UNC5D: variants seen among roughly 807,000 people sequenced by gnomAD.
The protein encoded by UNC5D is unc-5 netrin receptor D, also known as netrin receptor UNC5D.
In UNC5D, 39 loss-of-function variants were observed where a neutral mutation model predicts 105.4. The observed-to-expected ratio is 0.37, with a 90% CI of 0.29 to 0.48. UNC5D has a LOEUF of 0.48. UNC5D is among the 20% of genes least tolerant of loss of function. The probability of loss-of-function intolerance (pLI) is 0.98; values close to 1 mark genes in which losing one functional copy is unlikely to be tolerated. For synonymous variants in UNC5D, 452 were observed against 450.4 expected (o/e 1.00, Z -0.04); for missense variants, 991 against 1,202.4 (o/e 0.82, Z 2.60).
chr8:35,599,600 A>G (rs1249151897), intron 4 of UNC5D, among the ~76,000 whole-genome samples: 1 of 152,196 alleles, frequency 6.6e-6, no homozygotes, highest in African/African-American at 2.4e-5. Flanking sequence ...ATGAATATTT[A>G]AGGTTATCCC....
At chr8:35,327,745 A>G (rs755105043) in intron 1 of UNC5D, among the ~76,000 whole-genome samples, 37 of 152,168 alleles carry the variant, frequency 2.4e-4, no homozygotes, top group Admixed American at 1.1e-3. Flanking sequence ...ATCCAGGATG[A>G]TGGATTGAAG....
intron 1 of UNC5D, among the ~76,000 whole-genome samples, chr8:35,355,904 TG>T (rs928584660): frequency 6.6e-6 from 1 of 152,090 alleles, no homozygotes; most frequent in African/African-American, 2.4e-5. Flanking sequence ...AAAGCAGAGA[TG>T]GGGCCCTCAC....
chr8:35,561,844 A>G (rs56276341), intron 2 of UNC5D, among the ~76,000 whole-genome samples: 34,584 of 152,116 alleles, frequency 0.23, 6,083 homozygotes, highest in African/African-American at 0.48. Context: ...AGGATAATAG[A>G]AATATCCAGC....
chr8:35,786,336 T>C (rs1475550844), intron 16 of UNC5D, among the ~76,000 whole-genome samples: 1 of 152,210 alleles, frequency 6.6e-6, no homozygotes, highest in Non-Finnish European at 1.5e-5. Flanking sequence ...TGCTACAATA[T>C]GCTCAGAGAC....
intron 4 of UNC5D, among the ~76,000 whole-genome samples, chr8:35,651,493 T>C (rs1586340043): frequency 2.0e-5 from 3 of 152,308 alleles, no homozygotes; most frequent in East Asian, 3.9e-4. Flanking sequence ...CTGAGCCAGA[T>C]TGTACTTTAA....
intron 2 of UNC5D, among the ~76,000 whole-genome samples, chr8:35,551,672 G>A (rs776136857): frequency 2.6e-5 from 4 of 152,044 alleles, no homozygotes; most frequent in Non-Finnish European, 5.9e-5. Flanking sequence ...ACAAAAATTA[G>A]CCAGGGTTGG....
At chr8:35,729,964 G>A (rs1192489113) in intron 10 of UNC5D, among the ~76,000 whole-genome samples, 1 of 152,120 alleles carries the variant, frequency 6.6e-6, no homozygotes, top group African/African-American at 2.4e-5. Flanking sequence ...GCTGCTAACA[G>A]GCACATAGAA....
chr8:35,248,804 T>C (rs1389388229), intron 1 of UNC5D, among the ~76,000 whole-genome samples: 1 of 97,158 alleles, frequency 1.0e-5, no homozygotes, highest in Non-Finnish European at 1.8e-5. Context: ...TATAAAAATA[T>C]AATATATAAT....
chr8:35,442,023 G>A (rs1807438409), intron 1 of UNC5D, among the ~76,000 whole-genome samples: 2 of 151,874 alleles, frequency 1.3e-5, no homozygotes, highest in African/African-American at 4.8e-5. Context: ...GTTGTCCTCA[G>A]AAAACCCTGT....
chr8:35,462,774 T>G (rs1808992570), intron 1 of UNC5D, among the ~76,000 whole-genome samples: 1 of 152,158 alleles, frequency 6.6e-6, no homozygotes, highest in Admixed American at 6.5e-5. Context: ...AGCAAATTAC[T>G]TCGTTCTTGC....
intron 4 of UNC5D, among the ~76,000 whole-genome samples, chr8:35,673,040 A>G (rs965595022): frequency 3.3e-5 from 5 of 152,156 alleles, no homozygotes; most frequent in Admixed American, 6.6e-5. Flanking sequence ...GAGGTTTTCT[A>G]TCATTTGCTT....
rs116110373 is a variant in UNC5D, at chr8:35,584,967, C to T, written c.467-10587C>T. Among the ~76,000 whole-genome samples, 864 of 152,198 alleles carry T rather than the reference C, an allele frequency of 5.7e-3. 3 individuals carry two copies. The highest frequency in any genetic ancestry group is 0.02 in the African/African-American group (830 of 41,508). On this transcript the variant is annotated intron_variant, in intron 3 of 16. Coordinates refer to ENST00000404895, the MANE Select transcript of UNC5D (RefSeq NM_080872.4). The stretch of plus-strand genomic sequence containing the variant: ...TTTTATAAACAAAAGAGGCTGAACA[C>T]GATAGATCTTATTGTGTTGGGAGTA...
chr8:35,287,941 A>G (rs1274496436), intron 1 of UNC5D, among the ~76,000 whole-genome samples: 2 of 152,214 alleles, frequency 1.3e-5, no homozygotes. Context: ...AATATAAAAG[A>G]GTGAAGAAGG....
chr8:35,711,726 C>T (rs1419474565), intron 8 of UNC5D, among the ~76,000 whole-genome samples: 1 of 152,166 alleles, frequency 6.6e-6, no homozygotes, highest in East Asian at 1.9e-4. Flanking sequence ...CAACCTACCA[C>T]CCTAAGTGTG....
intron 8 of UNC5D, among the ~76,000 whole-genome samples, chr8:35,716,710 T>C (rs55939700): frequency 0.027 from 4,169 of 152,284 alleles, 203 homozygotes; most frequent in African/African-American, 0.095. Context: ...ATTGAGATTT[T>C]CGAGGTTGGG....
At chr8:35,635,122 A>ATT (rs1010094530) in intron 4 of UNC5D, among the ~76,000 whole-genome samples, 5 of 151,748 alleles carry the variant, frequency 3.3e-5, no homozygotes, top group Admixed American at 6.6e-5. Context: ...AGAGTGCACT[A>ATT]TTTTTTCTCT....
chr8:35,290,236 G>A (rs1433480306), intron 1 of UNC5D, among the ~76,000 whole-genome samples: 1 of 152,136 alleles, frequency 6.6e-6, no homozygotes. Flanking sequence ...CTGAGATATG[G>A]AAGCAACCTA....
chr8:35,457,308 C>G (rs1808561076), intron 1 of UNC5D, among the ~76,000 whole-genome samples: 1 of 152,164 alleles, frequency 6.6e-6, no homozygotes, highest in Admixed American at 6.6e-5. Flanking sequence ...AAGTGTCAGA[C>G]TAGAGGCTCT....
intron 1 of UNC5D, among the ~76,000 whole-genome samples, chr8:35,468,252 G>A (rs1809453389): frequency 6.6e-6 from 1 of 152,126 alleles, no homozygotes; most frequent in Non-Finnish European, 1.5e-5. Context: ...AACAGGGATA[G>A]GCAAGTACTT....
Sources: gnomAD v4.1 joint callset for allele counts (sites outside exome capture counted in the v4.1 genomes callset) on GRCh38, gnomAD v4.1.1 for gene constraint, MANE v1.5 for transcripts, NCBI Gene and HGNC (gene_info 2026-07-23, HGNC 2026-07-21) for gene names.